Variants in SMAD1 observed in about 807,000 individuals in gnomAD.
SMAD1 encodes MAD, mothers against decapentaplegic homolog 1.
SMAD1 carries 6 observed loss-of-function variants against 41.6 expected under a neutral mutation model. The ratio of observed to expected loss-of-function variants is 0.14; its 90% CI spans 0.08 to 0.28. SMAD1 has a LOEUF of 0.28. Ranked by LOEUF, SMAD1 falls within the 10% of genes least tolerant of loss-of-function variation. The pLI is 1.00. For missense variants in SMAD1, 379 were observed against 582.6 expected, an observed-to-expected ratio of 0.65 and a Z score of 3.60; for synonymous variants, 206 against 203.2, an observed-to-expected ratio of 1.01 and a Z score of -0.12.
chr4:145,485,547 G>C (rs1366704283), intron 1 of SMAD1, among the ~76,000 whole-genome samples: 1 of 152,122 alleles, frequency 6.6e-6, no homozygotes, highest in African/African-American at 2.4e-5. Flanking sequence ...TGCTGCCCCA[G>C]GACCTTTACC....
In SMAD1 at chr4:145,559,036, G is replaced by A. The variant is rs960962455; in HGVS notation, c.*1102G>A. On this transcript the variant is annotated 3_prime_UTR_variant, in exon 7 of 7. Coordinates refer to ENST00000302085, the MANE Select transcript of SMAD1 (RefSeq NM_005900.3). Reference sequence around the variant, plus strand: ...AACTTTTTAAATTTTTTTGTACTATGTTTGGTTTTATTTTCCTTCTGTTAA... The same window carrying A: ...AACTTTTTAAATTTTTTTGTACTATATTTGGTTTTATTTTCCTTCTGTTAA... Among the ~76,000 whole-genome samples the A allele has an allele frequency of 3.3e-5, 5 of 152,092 alleles. No individual in the cohort carries two copies.
At chr4:145,556,776 C>T (rs1285944449) in intron 6 of SMAD1, among the ~76,000 whole-genome samples, 1 of 152,110 alleles carries the variant, frequency 6.6e-6, no homozygotes, top group African/African-American at 2.4e-5. Flanking sequence ...CAACAACTTC[C>T]GCCTCCTGGA....
intron 1 of SMAD1, among the ~76,000 whole-genome samples, chr4:145,508,812 T>C (rs1362504680): frequency 6.6e-6 from 1 of 152,212 alleles, no homozygotes; most frequent in East Asian, 1.9e-4. Flanking sequence ...CTGGATGGCC[T>C]CTTCTCTCTG....
intron 2 of SMAD1, among the ~76,000 whole-genome samples, chr4:145,527,917 G>C (rs1004314903): frequency 2.0e-5 from 3 of 150,298 alleles, no homozygotes; most frequent in Non-Finnish European, 4.4e-5. Context: ...CTGTAGTGCA[G>C]TGGCGCAACC....
At chr4:145,504,467 C>T (rs17020253) in intron 1 of SMAD1, among the ~76,000 whole-genome samples, 2,617 of 152,260 alleles carry the variant, frequency 0.017, 64 homozygotes, top group East Asian at 0.048. Context: ...AGGAGCTGTA[C>T]AATAATCTTT....
chr4:145,519,664 A>AAG (rs113288499), intron 2 of SMAD1, among the ~76,000 whole-genome samples: 82,449 of 148,352 alleles, frequency 0.56, 23,471 homozygotes, highest in African/African-American at 0.61. Flanking sequence ...AAAAAAAAAA[A>AAG]AACCCACTTT....
At chr4:145,540,117 T>C (rs560079704) in intron 3 of SMAD1, 56 bp downstream of exon 3, 1 of 1,596,642 alleles carries the variant, frequency 6.3e-7, no homozygotes, top group South Asian at 1.1e-5. Context: ...GTTATCACAG[T>C]GTCACGGAAA....
At chr4:145,492,513 G>A (rs1038598683) in intron 1 of SMAD1, among the ~76,000 whole-genome samples, 5 of 152,224 alleles carry the variant, frequency 3.3e-5, no homozygotes, top group African/African-American at 1.2e-4. Context: ...GCCTAACTTG[G>A]GCGTGCCACG....
At chr4:145,537,266 G>A (rs2126503308) in intron 2 of SMAD1, among the ~76,000 whole-genome samples, 1 of 152,248 alleles carries the variant, frequency 6.6e-6, no homozygotes, top group East Asian at 1.9e-4. Context: ...GTAAGTTAAT[G>A]TTCCTTTTGG....
intron 4 of SMAD1, chr4:145,545,968 C>A (rs765969595): frequency 2.0e-5 from 3 of 152,196 alleles, no homozygotes; most frequent in Non-Finnish European, 2.9e-5. Flanking sequence ...TGGGTAATTT[C>A]CATTGTTGGC....
intron 1 of SMAD1, among the ~76,000 whole-genome samples, chr4:145,487,594 G>A (rs1365019860): frequency 1.3e-5 from 2 of 152,074 alleles, no homozygotes; most frequent in South Asian, 2.1e-4. Context: ...CTGATTTGCA[G>A]CAAAAATACC....
At chr4:145,555,608 C>T (rs1384889787) in intron 6 of SMAD1, among the ~76,000 whole-genome samples, 1 of 152,002 alleles carries the variant, frequency 6.6e-6, no homozygotes, top group African/African-American at 2.4e-5. Flanking sequence ...TATTGTTTAC[C>T]CAATCAATTT....
intron 1 of SMAD1, among the ~76,000 whole-genome samples, chr4:145,510,079 C>A (rs904299154): frequency 6.6e-6 from 1 of 152,056 alleles, no homozygotes; most frequent in African/African-American, 2.4e-5. Flanking sequence ...AGACATGCAC[C>A]GTTTGCCATG....
intron 6 of SMAD1, among the ~76,000 whole-genome samples, chr4:145,556,371 TG>T (rs2126564011): frequency 6.6e-6 from 1 of 152,294 alleles, no homozygotes; most frequent in African/African-American, 2.4e-5. Context: ...AATGCATGAG[TG>T]TACATACATC....
At chr4:145,529,722 T>C (rs1175011973) in intron 2 of SMAD1, among the ~76,000 whole-genome samples, 1 of 152,128 alleles carries the variant, frequency 6.6e-6, no homozygotes, top group Non-Finnish European at 1.5e-5. Flanking sequence ...AAAGGGATGA[T>C]CTCTAGAAAT....
intron 4 of SMAD1, among the ~76,000 whole-genome samples, chr4:145,543,412 T>TA (rs1204397506): frequency 2.0e-5 from 3 of 152,232 alleles, no homozygotes; most frequent in Non-Finnish European, 4.4e-5. Context: ...TTAGGATAGA[T>TA]ACACATAAAC....
At chr4:145,496,279 G>C (rs1055445470) in intron 1 of SMAD1, among the ~76,000 whole-genome samples, 3 of 152,054 alleles carry the variant, frequency 2.0e-5, no homozygotes, top group African/African-American at 7.2e-5. Context: ...AACCAAGGGG[G>C]GGACTACTGT....
chr4:145,508,888 A>G (rs1729929549), intron 1 of SMAD1, among the ~76,000 whole-genome samples: 1 of 152,148 alleles, frequency 6.6e-6, no homozygotes, highest in African/African-American at 2.4e-5. Context: ...CACTAATTCC[A>G]TTTATGGGAG....
chr4:145,550,967 T>G lies in SMAD1; in HGVS notation c.998-2817T>G, dbSNP rs191106265. Among the ~76,000 whole-genome samples the G allele has an allele frequency of 2.6e-4, 39 of 152,354 alleles. No homozygotes were observed. The East Asian group carries it at 7.1e-3, about 28-fold the overall frequency. On this transcript the variant is annotated intron_variant, in intron 5 of 6. Transcript: ENST00000302085. ...GCATATTAATTCCATCTAATTTAAT[T>G]TATAATTTAAAACAACTCTTTTCAG...
Sources: allele counts gnomAD v4.1 joint callset (sites outside exome capture counted in the v4.1 genomes callset), GRCh38; gene constraint gnomAD v4.1.1; transcripts MANE v1.5; gene names NCBI Gene and HGNC (gene_info 2026-07-23, HGNC 2026-07-21).